LPP: variants seen among roughly 807,000 people sequenced by gnomAD.
LPP encodes LIM domain containing preferred translocation partner in lipoma.
In LPP, 38 loss-of-function variants were observed where a neutral mutation model predicts 60.4. That is an observed-to-expected ratio of 0.63 (90% CI 0.49 to 0.83). The LOEUF (loss-of-function observed/expected upper bound fraction) is 0.83. LPP is among the 40% of genes least tolerant of loss of function. LPP has a pLI of 0.00. For missense variants in LPP, 902 were observed against 783.6 expected (o/e 1.15, Z -1.80); for synonymous variants, 328 against 290.8 (o/e 1.13, Z -1.30).
intron 2 of LPP, among the ~76,000 whole-genome samples, chr3:188,245,648 C>A (rs79653239): frequency 0.019 from 2,794 of 148,532 alleles, 41 homozygotes; most frequent in South Asian, 0.03. Context: ...TCTTTTCTAA[C>A]CCCACACTTT....
chr3:188,196,115 A>G (rs1729464786), intron 1 of LPP, among the ~76,000 whole-genome samples: 1 of 151,970 alleles, frequency 6.6e-6, no homozygotes, highest in South Asian at 2.1e-4. Context: ...GTGTCTCTGG[A>G]TGTTTTGTTA....
At chr3:188,577,757 CTTCG>C (rs61657089) in intron 6 of LPP, among the ~76,000 whole-genome samples, 7 of 62,074 alleles carry the variant, frequency 1.1e-4, no homozygotes, top group East Asian at 1.2e-3. Context: ...TCCTTCGTTC[CTTCG>C]TTCCTTCCTT....
rs11459981 is a variant in LPP at position 188,877,064 on chromosome 3, G to GTTT, written c.*2593_*2595dup. On this transcript the variant is annotated 3_prime_UTR_variant, in exon 12 of 12. Coordinates refer to ENST00000617246, the MANE Select transcript of LPP (RefSeq NM_001375462.1). ...ATATGTAGAAACATTTAGATTTAGA[G>GTTT]TTTTTTTTTTCTTTCACAAGGTATA... 4.8e-5 allele frequency: 8 copies of GTTT among 167,178 alleles called. No individual in the cohort carries two copies. Among genetic ancestry groups the GTTT allele is most frequent in the East Asian group, 1.1e-4 (1 of 8,806 alleles). The allele number at this position is 167,178 out of a possible 1,614,324, so 10.4% of individuals were successfully genotyped here.
rs1018355551 is a variant in LPP at position 188,879,181 on chromosome 3, T to C, written c.*4702T>C. On this transcript the variant is annotated 3_prime_UTR_variant, in exon 12 of 12. Transcript: ENST00000617246. ...GGCTGTTGTTTGGTTAGCATAGCCT[T>C]ATTTCAAACCTTAAAAAGTTACCTG... 3.9e-5 allele frequency: 9 copies of C among 230,584 alleles called. No homozygotes were observed. Among genetic ancestry groups the C allele is most frequent in the Non-Finnish European group, 2.6e-5 (3 of 116,468 alleles). 14.3% of individuals were successfully genotyped at this position (230,584 alleles called of 1,614,324 possible).
At chr3:188,651,233 C>T (rs981383470) in intron 7 of LPP, among the ~76,000 whole-genome samples, 2 of 152,134 alleles carry the variant, frequency 1.3e-5, no homozygotes, top group African/African-American at 2.4e-5. Flanking sequence ...CGCAGTCTGC[C>T]TTCCAGGAAC....
intron 9 of LPP, among the ~76,000 whole-genome samples, chr3:188,848,049 C>T (rs1366311413): frequency 6.6e-6 from 1 of 152,168 alleles, no homozygotes; most frequent in East Asian, 1.9e-4. Flanking sequence ...CCATCCTCAT[C>T]CTTGCCTTGA....
intron 9 of LPP, among the ~76,000 whole-genome samples, chr3:188,812,567 T>C (rs564744771): frequency 6.6e-6 from 1 of 152,326 alleles, no homozygotes; most frequent in South Asian, 2.1e-4. Flanking sequence ...CTTGTGCATA[T>C]TGAGGATGTT....
intron 2 of LPP, among the ~76,000 whole-genome samples, chr3:188,236,101 A>T (rs1274292362): frequency 6.6e-6 from 1 of 152,208 alleles, no homozygotes; most frequent in Non-Finnish European, 1.5e-5. Context: ...AGACAGAAAA[A>T]TTAATGAGTA....
chr3:188,600,988 T>C (rs1290767280), intron 6 of LPP, among the ~76,000 whole-genome samples: 1 of 152,084 alleles, frequency 6.6e-6, no homozygotes, highest in East Asian at 1.9e-4. Context: ...ATATCACATT[T>C]TATTTATCCA....
At chr3:188,430,126 A>G in intron 4 of LPP, among the ~76,000 whole-genome samples, 1 of 152,190 alleles carries the variant, frequency 6.6e-6, no homozygotes, top group African/African-American at 2.4e-5. Context: ...AGCTTAATAA[A>G]TAAGTTATTA....
intron 10 of LPP, among the ~76,000 whole-genome samples, chr3:188,872,383 C>T (rs547433275): frequency 9.2e-5 from 14 of 152,244 alleles, no homozygotes; most frequent in African/African-American, 3.4e-4. Flanking sequence ...AATTTCATAC[C>T]GCGCACCATG....
At chr3:188,315,489 G>T (rs1754755580) in intron 2 of LPP, among the ~76,000 whole-genome samples, 1 of 151,464 alleles carries the variant, frequency 6.6e-6, no homozygotes, top group African/African-American at 2.4e-5. Flanking sequence ...TTTTATTTCT[G>T]CTTTTTTATT....
chr3:188,181,659 G>A (rs190795307), intron 1 of LPP, among the ~76,000 whole-genome samples: 1 of 152,318 alleles, frequency 6.6e-6, no homozygotes, highest in Admixed American at 6.5e-5. Flanking sequence ...CAAAAGTGGA[G>A]CAATTCTGTA....
Position 188,623,511 on chromosome 3 carries a change from GC to G in LPP, c.1113+13673del, listed in dbSNP as rs1360168057. Among the ~76,000 whole-genome samples, 14 of 152,162 alleles carry G rather than the reference GC, an allele frequency of 9.2e-5. No homozygotes were observed. In the East Asian group the frequency reaches 2.1e-3, roughly 23 times the overall value. On this transcript the variant is annotated intron_variant, in intron 7 of 11. Transcript: ENST00000617246. ...AACCTCAAGTGGCCCACCCGCCTTG[GC>G]CCCCCAAAGTCCTGGGATTACAGGC...
chr3:188,517,620 G>A (rs1352436109), intron 5 of LPP, among the ~76,000 whole-genome samples: 5 of 152,234 alleles, frequency 3.3e-5, no homozygotes, highest in Middle Eastern at 3.4e-3. Context: ...ACATGGCTGG[G>A]GAGGCCTCAG....
intron 2 of LPP, among the ~76,000 whole-genome samples, chr3:188,243,322 A>G (rs2149487349): frequency 6.6e-6 from 1 of 152,266 alleles, no homozygotes; most frequent in Admixed American, 6.5e-5. Context: ...TTAGTTTCCC[A>G]TGACTCATAA....
At chr3:188,857,694 T>C (rs1005838681) in intron 9 of LPP, among the ~76,000 whole-genome samples, 4 of 152,214 alleles carry the variant, frequency 2.6e-5, no homozygotes, top group African/African-American at 9.6e-5. Flanking sequence ...AGGGGGAAAC[T>C]CACTTAGAAA....
chr3:188,274,349 A>G (rs900068991), intron 2 of LPP, among the ~76,000 whole-genome samples: 1 of 152,230 alleles, frequency 6.6e-6, no homozygotes, highest in African/African-American at 2.4e-5. Context: ...GGGACCATAA[A>G]AGTCCTGTCA....
intron 6 of LPP, among the ~76,000 whole-genome samples, chr3:188,557,397 G>T (rs918910950): frequency 4.6e-5 from 7 of 152,068 alleles, no homozygotes; most frequent in Non-Finnish European, 8.8e-5. Flanking sequence ...CACCAGCAAT[G>T]AGTGGTATAT....
Sources: gnomAD v4.1 joint callset for allele counts (sites outside exome capture counted in the v4.1 genomes callset) on GRCh38, gnomAD v4.1.1 for gene constraint, MANE v1.5 for transcripts, NCBI Gene and HGNC (gene_info 2026-07-23, HGNC 2026-07-21) for gene names.